The following STARD9 variants were observed in gnomAD, a reference collection of about 807,000 sequenced individuals.
STARD9 encodes stAR-related lipid transfer protein 9.
STARD9 carries 346 observed loss-of-function variants against 399.8 expected under a neutral mutation model. The ratio of observed to expected loss-of-function variants is 0.87; its 90% confidence interval spans 0.79 to 0.95. STARD9 has a LOEUF of 0.95. Among genes scored for constraint, STARD9 ranks in the 40% least tolerant of loss-of-function variants. STARD9 has a pLI of 0.00. For missense variants in STARD9, 5,832 were observed against 5,667.5 expected, an observed-to-expected ratio of 1.03 and a Z score of -0.93; for synonymous variants, 2,203 against 2,143.5, an observed-to-expected ratio of 1.03 and a Z score of -0.77.
intron 1 of STARD9, 116 bp from the exon 2 acceptor site, chr15:42,583,230 G>A (rs1037588084): frequency 3.1e-4 from 211 of 686,702 alleles, no homozygotes; most frequent in Non-Finnish European, 3.3e-4. Context: ...GGAGACAGAC[G>A]CTTCTCTTAA....
chr15:42,575,772 C>A lies in STARD9; in HGVS notation c.47+10C>A, dbSNP rs1310814554. ...GGCCGCTCAGCAAGAGGTGAGTCTC[C>A]GCGGGAGAGGGCGCCTGAGGCTTCA... is the stretch of plus-strand genomic sequence containing the variant. On this transcript the variant is annotated intron_variant, in intron 1 of 32. Coordinates refer to ENST00000290607, the MANE Select transcript of STARD9 (RefSeq NM_020759.3). The A allele has an allele frequency of 1.3e-6, 2 of 1,536,762 alleles. No homozygotes were observed. Among genetic ancestry groups the A allele is most frequent in the African/African-American group, 1.4e-5 (1 of 73,050 alleles).
At chr15:42,645,217 C>T (rs2141965073) in intron 7 of STARD9, among the ~76,000 whole-genome samples, 1 of 152,266 alleles carries the variant, frequency 6.6e-6, no homozygotes, top group South Asian at 2.1e-4. Flanking sequence ...AGACTTTGCC[C>T]AGATCCATCA....
chr15:42,576,997 T>G (rs1407219432), intron 1 of STARD9, among the ~76,000 whole-genome samples: 1 of 151,758 alleles, frequency 6.6e-6, no homozygotes, highest in Non-Finnish European at 1.5e-5. Flanking sequence ...AGCTCAGGGC[T>G]GGGGGGGGTT....
intron 3 of STARD9, among the ~76,000 whole-genome samples, chr15:42,588,185 G>A (rs78263141): frequency 3.3e-5 from 5 of 151,422 alleles, no homozygotes; most frequent in Non-Finnish European, 7.4e-5. Context: ...CTTAGAGGGG[G>A]TGTGTGAATG....
chr15:42,639,336 A>G (rs1189523318), intron 7 of STARD9, among the ~76,000 whole-genome samples: 3 of 152,146 alleles, frequency 2.0e-5, no homozygotes, highest in Non-Finnish European at 2.9e-5. Flanking sequence ...CAGGCGCCCA[A>G]TATGGCATGG....
At chr15:42,654,121 CAG>C (rs372804268) in intron 9 of STARD9, among the ~76,000 whole-genome samples, 3 of 151,978 alleles carry the variant, frequency 2.0e-5, no homozygotes, top group African/African-American at 4.8e-5. Context: ...GAAAAAACAA[CAG>C]AAATTAAAAT....
chr15:42,682,059 G>A, intron 21 of STARD9, 45 bp from the exon 22 acceptor site: 1 of 1,323,144 alleles, frequency 7.6e-7, no homozygotes, highest in Non-Finnish European at 1.0e-6. Context: ...GCCACAAGCA[G>A]GGAAGGAGAT....
In STARD9 at chr15:42,689,209, A is replaced by T. The variant is rs908248693; in HGVS notation, c.7631A>T (p.His2544Leu). The change falls in exon 23 of 33, where the codon CAT becomes CTT. Residue 2544 changes from histidine to leucine, a missense_variant. Transcript: ENST00000290607. ...PEPRLLEPSDHASMCLAILEE... is the reference protein window; with the variant it reads ...PEPRLLEPSDLASMCLAILEE... ...CCTAGGCTGTTGGAGCCCTCTGACC[A>T]TGCATCCATGTGCCTGGCCATCTTG... 1 of 1,537,140 alleles carries T rather than the reference A, an allele frequency of 6.5e-7. No individual in the cohort carries two copies. The highest frequency in any genetic ancestry group is 8.7e-7 in the Non-Finnish European group (1 of 1,146,930).
At chr15:42,604,240 G>C (rs1268903698) in intron 3 of STARD9, among the ~76,000 whole-genome samples, 2 of 152,136 alleles carry the variant, frequency 1.3e-5, no homozygotes, top group African/African-American at 2.4e-5. Flanking sequence ...CAGTCTGTCT[G>C]CTTCTACTTG....
In STARD9 at chr15:42,719,785, C is replaced by G; in HGVS notation, c.*211C>G. 5.5e-6 allele frequency: 3 copies of G among 545,726 alleles called. No individual in the cohort carries two copies. Among genetic ancestry groups the G allele is most frequent in the South Asian group, 2.4e-5 (1 of 42,296 alleles). The allele number at this position is 545,726 out of a possible 1,614,324, so 33.8% of individuals were successfully genotyped here. On this transcript the variant is annotated 3_prime_UTR_variant, in exon 33 of 33. Transcript: ENST00000290607. The stretch of plus-strand genomic sequence containing the variant: ...GCTGGCACCAGTGCAGAGCAAACGG[C>G]CTGAGCTCCTGGCCCAGACTATCCA...
chr15:42,679,336 C>G (rs1209974397), intron 20 of STARD9, among the ~76,000 whole-genome samples: 1 of 152,246 alleles, frequency 6.6e-6, no homozygotes, highest in Non-Finnish European at 1.5e-5. Context: ...TCCTGAGCCT[C>G]CACATAACAG....
At chr15:42,610,468 A>T (rs2058825627) in intron 3 of STARD9, among the ~76,000 whole-genome samples, 1 of 152,214 alleles carries the variant, frequency 6.6e-6, no homozygotes, top group South Asian at 2.1e-4. Context: ...TGTGTAGCAT[A>T]AGCCAGAAAT....
chr15:42,676,014 G>C, intron 20 of STARD9, 39 bp downstream of exon 20: 1 of 1,307,776 alleles, frequency 7.6e-7, no homozygotes, highest in East Asian at 2.7e-5. Flanking sequence ...GAACCTACTG[G>C]GTTCGCTTCT....
At chr15:42,639,076 C>G (rs747751178) in intron 7 of STARD9, among the ~76,000 whole-genome samples, 1 of 152,132 alleles carries the variant, frequency 6.6e-6, no homozygotes, top group African/African-American at 2.4e-5. Flanking sequence ...TGGCAAAGAA[C>G]GTTGGAAAGT....
Position 42,694,169 on chromosome 15 carries a change from C to G in STARD9, c.12591C>G (p.Ile4197Met), listed in dbSNP as rs568079907. ...CTGAGTGGTCCAAGAGGGAGCAGAT[C>G]CCCCTGCAAGTTGGGGCCCAGAACC... ...QDSEWSKREQIPLQVGAQNLS... is the reference protein window; with the variant it reads ...QDSEWSKREQMPLQVGAQNLS... The change falls in exon 23 of 33, where the codon ATC (isoleucine) becomes ATG (methionine). Residue 4197 changes from isoleucine to methionine, a missense_variant. Transcript: ENST00000290607. 9 of 1,534,714 alleles carry G rather than the reference C, an allele frequency of 5.9e-6. No homozygotes were observed. In the South Asian group the frequency reaches 9.6e-5, roughly 16 times the overall value.
chr15:42,665,458 G>A (rs762848364), intron 14 of STARD9, 128 bp downstream of exon 14: 5 of 749,218 alleles, frequency 6.7e-6, no homozygotes, highest in Non-Finnish European at 8.6e-6. Context: ...GCAGAGACAG[G>A]AGCAAAGACA....
intron 3 of STARD9, among the ~76,000 whole-genome samples, chr15:42,615,097 C>T (rs935160177): frequency 6.7e-6 from 1 of 149,484 alleles, no homozygotes; most frequent in African/African-American, 2.5e-5. Flanking sequence ...CCATCTCTGT[C>T]TCCTGGGTTC....
intron 9 of STARD9, among the ~76,000 whole-genome samples, chr15:42,655,260 C>T (rs1466229830): frequency 1.3e-5 from 2 of 152,182 alleles, no homozygotes; most frequent in Non-Finnish European, 2.9e-5. Context: ...CCAGCCTGGG[C>T]AACAGAGTGA....
chr15:42,662,925 G>C, intron 11 of STARD9, 34 bp downstream of exon 11: 2 of 1,413,540 alleles, frequency 1.4e-6, no homozygotes, highest in South Asian at 2.5e-5. Context: ...GTGGGAGGGA[G>C]AGTTCGGAAA....
Sources: gnomAD v4.1 joint callset for allele counts (sites outside exome capture counted in the v4.1 genomes callset) on GRCh38, gnomAD v4.1.1 for gene constraint, MANE v1.5 for transcripts, NCBI Gene and HGNC (gene_info 2026-07-23, HGNC 2026-07-21) for gene names.